The following EXOC6B variants were observed in gnomAD, a reference collection of about 807,000 sequenced individuals.
The protein encoded by EXOC6B is exocyst complex component 6B.
EXOC6B carries 54 observed loss-of-function variants against 113.5 expected under a neutral mutation model. The observed-to-expected ratio is 0.48, with a 90% confidence interval of 0.38 to 0.60. EXOC6B has a LOEUF of 0.60. Among genes scored for constraint, EXOC6B ranks in the 20% least tolerant of loss-of-function variants. EXOC6B has a pLI of 0.00. For missense variants in EXOC6B, 797 were observed against 977.5 expected (o/e 0.82, Z 2.46); for synonymous variants, 357 against 339.0 (o/e 1.05, Z -0.58).
chr2:72,591,103 G>C (rs1705924670), intron 6 of EXOC6B, among the ~76,000 whole-genome samples: 2 of 152,038 alleles, frequency 1.3e-5, no homozygotes, highest in Admixed American at 6.6e-5. Context: ...TAAAAGACTA[G>C]TACAAATGTG....
chr2:72,714,464 T>C (rs1343881038), intron 6 of EXOC6B, among the ~76,000 whole-genome samples: 1 of 152,234 alleles, frequency 6.6e-6, no homozygotes, highest in Non-Finnish European at 1.5e-5. Flanking sequence ...CGCTTTCTGC[T>C]TTTGGCAAGG....
At chr2:72,719,956 T>C (rs1219873920) in intron 5 of EXOC6B, among the ~76,000 whole-genome samples, 1 of 152,156 alleles carries the variant, frequency 6.6e-6, no homozygotes, top group East Asian at 1.9e-4. Context: ...CACTGTATCA[T>C]TGGGTTTACA....
At chr2:72,257,626 C>T (rs1375519280) in intron 20 of EXOC6B, among the ~76,000 whole-genome samples, 1 of 152,140 alleles carries the variant, frequency 6.6e-6, no homozygotes, top group Admixed American at 6.5e-5. Context: ...CTGTCAGCTA[C>T]CAGAATATCC....
At chr2:72,491,916 C>T (rs936321251) in intron 16 of EXOC6B, among the ~76,000 whole-genome samples, 6 of 152,058 alleles carry the variant, frequency 3.9e-5, no homozygotes, top group African/African-American at 1.2e-4. Flanking sequence ...TTGCATTATC[C>T]TAGGTATCAA....
At chr2:72,511,433 T>C (rs1700887948) in intron 11 of EXOC6B, among the ~76,000 whole-genome samples, 1 of 152,104 alleles carries the variant, frequency 6.6e-6, no homozygotes, top group Non-Finnish European at 1.5e-5. Context: ...ACAATTAATC[T>C]TACTTCCTAA....
intron 20 of EXOC6B, 114 bp downstream of exon 20, chr2:72,334,833 T>G: frequency 1.1e-6 from 1 of 892,476 alleles, no homozygotes; most frequent in Non-Finnish European, 1.8e-6. Context: ...CCCTTAGGTC[T>G]CCAATGTGAA....
At chr2:72,468,095 C>T (rs939351915) in intron 17 of EXOC6B, among the ~76,000 whole-genome samples, 15 of 152,056 alleles carry the variant, frequency 9.9e-5, no homozygotes, top group Admixed American at 9.8e-4. Context: ...GTAGGTTATC[C>T]TTCAACTGTT....
intron 18 of EXOC6B, among the ~76,000 whole-genome samples, chr2:72,400,953 G>A (rs571697606): frequency 1.9e-4 from 29 of 151,854 alleles, no homozygotes; most frequent in Admixed American, 2.6e-4. Flanking sequence ...TCTACTCAAA[G>A]GAAAAGAAAT....
At chr2:72,553,962 G>A (rs771943342) in intron 8 of EXOC6B, among the ~76,000 whole-genome samples, 8 of 152,152 alleles carry the variant, frequency 5.3e-5, no homozygotes, top group Non-Finnish European at 1.0e-4. Flanking sequence ...TTGGGTAGAA[G>A]AATGGTGAAA....
chr2:72,527,047 C>T (rs1701776750), intron 8 of EXOC6B, among the ~76,000 whole-genome samples: 1 of 151,960 alleles, frequency 6.6e-6, no homozygotes, highest in Non-Finnish European at 1.5e-5. Flanking sequence ...TTTTTATAGC[C>T]ATATCGACTG....
intron 18 of EXOC6B, chr2:72,462,832 G>T (rs1196767886): frequency 1.3e-5 from 2 of 152,026 alleles, no homozygotes; most frequent in Non-Finnish European, 2.9e-5. Context: ...CTTCTAAAGT[G>T]TTGGTGAGAA....
chr2:72,672,434 T>A (rs1335769897), intron 6 of EXOC6B, among the ~76,000 whole-genome samples: 2 of 150,482 alleles, frequency 1.3e-5, no homozygotes, highest in African/African-American at 2.4e-5. Flanking sequence ...ATCGAGACCA[T>A]CCTGGCTAAC....
At chr2:72,751,687 G>A (rs896737990) in intron 1 of EXOC6B, among the ~76,000 whole-genome samples, 1 of 152,098 alleles carries the variant, frequency 6.6e-6, no homozygotes, top group African/African-American at 2.4e-5. Flanking sequence ...TACTTAACTA[G>A]GAGGTGTATA....
At chr2:72,635,772 C>A (rs984413382) in intron 6 of EXOC6B, among the ~76,000 whole-genome samples, 1 of 152,158 alleles carries the variant, frequency 6.6e-6, no homozygotes, top group Admixed American at 6.5e-5. Context: ...AACCAATATC[C>A]TTCATGCATT....
chr2:72,748,176 G>C (rs564079373), intron 1 of EXOC6B, among the ~76,000 whole-genome samples: 1 of 151,904 alleles, frequency 6.6e-6, no homozygotes, highest in South Asian at 2.1e-4. Context: ...TGAACATTTT[G>C]GTTTTTGTTT....
At chr2:72,497,817 A>G (rs1025858500) in intron 13 of EXOC6B, among the ~76,000 whole-genome samples, 1 of 152,196 alleles carries the variant, frequency 6.6e-6, no homozygotes, top group Non-Finnish European at 1.5e-5. Context: ...ATAAAAAGAG[A>G]AGAAAGTCAA....
chr2:72,681,766 G>T (rs1474475074), intron 6 of EXOC6B, among the ~76,000 whole-genome samples: 1 of 151,948 alleles, frequency 6.6e-6, no homozygotes, highest in East Asian at 1.9e-4. Context: ...GTAGATGGCA[G>T]TATAGTTGGT....
intron 21 of EXOC6B, among the ~76,000 whole-genome samples, chr2:72,180,839 A>C (rs1558989122): frequency 1.3e-5 from 2 of 152,210 alleles, no homozygotes. Flanking sequence ...CCATAAGGGC[A>C]TTATATATGG....
intron 1 of EXOC6B, among the ~76,000 whole-genome samples, chr2:72,755,624 G>C (rs1187166224): frequency 6.6e-6 from 1 of 152,104 alleles, no homozygotes; most frequent in Admixed American, 6.6e-5. Context: ...AACAGAAAAA[G>C]AAAGAAACAG....
Sources: allele counts gnomAD v4.1 joint callset (sites outside exome capture counted in the v4.1 genomes callset), GRCh38; gene constraint gnomAD v4.1.1; transcripts MANE v1.5; gene names NCBI Gene and HGNC (gene_info 2026-07-23, HGNC 2026-07-21).